Variants in KATNIP observed in about 807,000 individuals in gnomAD.
KATNIP encodes katanin-interacting protein.
Under a neutral mutation model 174.0 loss-of-function variants are expected in KATNIP, and 126 were observed. That is an observed-to-expected ratio of 0.72 (90% CI 0.63 to 0.84). KATNIP has a LOEUF of 0.84. Among genes scored for constraint, KATNIP ranks in the 40% least tolerant of loss-of-function variants. The pLI, the probability that KATNIP is intolerant of heterozygous loss-of-function variation, is 0.00. For missense variants in KATNIP, 1,958 were observed against 2,109.7 expected, an observed-to-expected ratio of 0.93 and a Z score of 1.41; for synonymous variants, 810 against 835.7, an observed-to-expected ratio of 0.97 and a Z score of 0.53.
At chr16:27,743,989 T>A (rs867678522) in intron 15 of KATNIP, among the ~76,000 whole-genome samples, 10 of 152,310 alleles carry the variant, frequency 6.6e-5, no homozygotes, top group Middle Eastern at 6.8e-3. Context: ...TTAATTTCTT[T>A]CCAAGCATTT....
At chr16:27,636,832 G>A (rs1266052591) in intron 5 of KATNIP, among the ~76,000 whole-genome samples, 1 of 152,222 alleles carries the variant, frequency 6.6e-6, no homozygotes, top group East Asian at 1.9e-4. Flanking sequence ...AAACCTCCCA[G>A]GGCTGCTGGA....
At chr16:27,575,491 G>A (rs1233490070) in intron 2 of KATNIP, among the ~76,000 whole-genome samples, 5 of 152,284 alleles carry the variant, frequency 3.3e-5, no homozygotes, top group Admixed American at 6.5e-5. Context: ...CTGACCAATC[G>A]AGAAATTCAT....
chr16:27,720,424 C>T (rs1262752444), intron 13 of KATNIP, among the ~76,000 whole-genome samples: 1 of 151,308 alleles, frequency 6.6e-6, no homozygotes, highest in African/African-American at 2.4e-5. Flanking sequence ...AATGAAAGGG[C>T]AGACATTAGG....
At chr16:27,694,268 C>T (rs906478250) in intron 8 of KATNIP, among the ~76,000 whole-genome samples, 2 of 152,098 alleles carry the variant, frequency 1.3e-5, no homozygotes, top group African/African-American at 4.8e-5. Flanking sequence ...TCTAATGGGG[C>T]GTAGCAAGAG....
At chr16:27,659,426 C>T (rs2077397015) in intron 6 of KATNIP, among the ~76,000 whole-genome samples, 2 of 151,412 alleles carry the variant, frequency 1.3e-5, no homozygotes, top group South Asian at 2.1e-4. Flanking sequence ...GGGAAGATTG[C>T]ATGACACCAG....
At chr16:27,714,962 A>G (rs760082068) in intron 13 of KATNIP, among the ~76,000 whole-genome samples, 2 of 152,224 alleles carry the variant, frequency 1.3e-5, no homozygotes, top group Non-Finnish European at 2.9e-5. Flanking sequence ...TCTTCAATTT[A>G]TAGGGAATTT....
intron 17 of KATNIP, among the ~76,000 whole-genome samples, chr16:27,752,730 T>G (rs1396844719): frequency 6.6e-6 from 1 of 152,036 alleles, no homozygotes; most frequent in Non-Finnish European, 1.5e-5. Context: ...TTTTTTTTAT[T>G]TTTTGTAGAG....
At chr16:27,642,616 G>A (rs755085555) in intron 5 of KATNIP, among the ~76,000 whole-genome samples, 1 of 152,100 alleles carries the variant, frequency 6.6e-6, no homozygotes, top group Non-Finnish European at 1.5e-5. Context: ...GGTAACACAT[G>A]TGCTAAGACC....
In KATNIP at chr16:27,708,425, A is replaced by G. The variant is rs921243578; in HGVS notation, c.1390-280A>G. 11 of 374,718 alleles carry G rather than the reference A, an allele frequency of 2.9e-5. No individual in the cohort carries two copies. The Admixed American group carries it at 3.4e-4, about 12-fold the overall frequency. The allele number at this position is 374,718 out of a possible 1,614,324, so 23.2% of individuals were successfully genotyped here. ...GACGTGCATGTTCAGGCAGAATTCAATGCTTTTTAGACATTTTTATTTATT... is the reference window on the plus strand; with the variant it reads ...GACGTGCATGTTCAGGCAGAATTCAGTGCTTTTTAGACATTTTTATTTATT... On this transcript the variant is annotated intron_variant, in intron 12 of 27. Coordinates refer to ENST00000261588, the MANE Select transcript of KATNIP (RefSeq NM_015202.5).
chr16:27,704,605 A>T (rs565880271), intron 12 of KATNIP, among the ~76,000 whole-genome samples: 6 of 152,246 alleles, frequency 3.9e-5, no homozygotes, highest in African/African-American at 7.2e-5. Flanking sequence ...ATTTTTTTTT[A>T]AAACCTAAAT....
intron 2 of KATNIP, among the ~76,000 whole-genome samples, chr16:27,607,503 CTTAG>C (rs2075745886): frequency 6.6e-6 from 1 of 152,102 alleles, no homozygotes; most frequent in African/African-American, 2.4e-5. Flanking sequence ...TAACTCATCC[CTTAG>C]TTAGGGTGTG....
intron 1 of KATNIP, 134 bp downstream of exon 1, chr16:27,550,311 G>C: frequency 1.0e-6 from 1 of 994,586 alleles, no homozygotes; most frequent in South Asian, 1.6e-5. Flanking sequence ...CCGAAATGAG[G>C]GATAGGGAGG....
intron 2 of KATNIP, among the ~76,000 whole-genome samples, chr16:27,576,425 G>A (rs76196147): frequency 1.1e-3 from 162 of 151,902 alleles, no homozygotes; most frequent in Non-Finnish European, 2.0e-3. Context: ...GCTTTTGTTC[G>A]GTTAGAAAAA....
chr16:27,709,014 G>T, intron 13 of KATNIP, 94 bp downstream of exon 13: 1 of 1,039,380 alleles, frequency 9.6e-7, no homozygotes, highest in Non-Finnish European at 1.4e-6. Context: ...ATGAGTGGAG[G>T]GAGGGGAAGA....
In KATNIP at chr16:27,740,814, C is replaced by T. The variant is rs12447120; in HGVS notation, c.2517C>T (p.Asp839=). The change falls in exon 15 of 28, where the codon GAC becomes GAT. Residue 839 remains aspartate (D), a synonymous_variant. Transcript: ENST00000261588. The part of the protein sequence containing the change: ...ATTKVHSDDS[D]IFNQPPNRER... ...CCAAAGTCCACAGTGATGACTCAGA[C>T]ATCTTTAACCAGCCCCCCAACAGAG... 236,115 of 1,613,600 alleles carry T rather than the reference C, an allele frequency of 0.15. 18,780 individuals are homozygous for T. Among genetic ancestry groups the T allele is most frequent in the African/African-American group, 0.24 (18,293 of 74,988 alleles).
chr16:27,682,928 C>CT (rs2078401394), intron 8 of KATNIP, among the ~76,000 whole-genome samples: 1 of 152,150 alleles, frequency 6.6e-6, no homozygotes, highest in Non-Finnish European at 1.5e-5. Flanking sequence ...CACTCATCCC[C>CT]TCACCATGCA....
At chr16:27,772,205 G>A (rs1030829383) in intron 22 of KATNIP, among the ~76,000 whole-genome samples, 1 of 152,156 alleles carries the variant, frequency 6.6e-6, no homozygotes, top group African/African-American at 2.4e-5. Flanking sequence ...CCAGGAGTTC[G>A]AGGCTGCAGT....
intron 8 of KATNIP, among the ~76,000 whole-genome samples, chr16:27,685,723 T>G (rs1311666620): frequency 1.3e-5 from 2 of 152,214 alleles, no homozygotes; most frequent in Non-Finnish European, 2.9e-5. Context: ...TTCAATATAC[T>G]TGGCTCTAAC....
intron 10 of KATNIP, 72 bp from the exon 11 acceptor site, chr16:27,701,517 C>A: frequency 1.7e-6 from 2 of 1,197,030 alleles, no homozygotes; most frequent in Non-Finnish European, 1.2e-6. Flanking sequence ...CTGCCCTTGA[C>A]CGTGACCCTG....
Sources: allele counts gnomAD v4.1 joint callset (sites outside exome capture counted in the v4.1 genomes callset), GRCh38; gene constraint gnomAD v4.1.1; transcripts MANE v1.5; gene names NCBI Gene and HGNC (gene_info 2026-07-23, HGNC 2026-07-21).